RGN: variants seen among roughly 807,000 people sequenced by gnomAD.
RGN encodes the protein regucalcin.
Under a neutral mutation model 20.6 loss-of-function variants are expected in RGN, and 19 were observed. The observed-to-expected ratio is 0.92, with a 90% CI of 0.64 to 1.35. The LOEUF (loss-of-function observed/expected upper bound fraction) is 1.35, where lower values mean the gene tolerates loss of function less well. RGN is among the 40% of genes most tolerant of loss of function. RGN has a pLI of 0.00. For synonymous variants in RGN, 85 were observed against 87.2 expected (o/e 0.97, Z 0.14); for missense variants, 302 against 232.7 (o/e 1.30, Z -1.94).
At chrX:47,087,636 G>T (rs1157627819) in intron 4 of RGN, 1 of 108,580 alleles carries the variant, frequency 9.2e-6, no homozygotes, top group African/African-American at 3.3e-5. Flanking sequence ...CAGTTCTGAG[G>T]CACTCTGTGA....
chrX:47,089,736 A>G (rs368196625), intron 4 of RGN, 40 bp from the exon 5 acceptor site: 2 of 1,062,654 alleles, frequency 1.9e-6, no homozygotes, highest in African/African-American at 3.8e-5. Context: ...ATGGGGTAAG[A>G]TGCTATGGGG....
chrX:47,091,589 C>T (rs1206028801), intron 5 of RGN, 89 bp from the exon 6 acceptor site: 15 of 1,023,235 alleles, frequency 1.5e-5, no homozygotes, highest in Non-Finnish European at 1.7e-5. Context: ...TATTTATAAC[C>T]AGCTTGAGAG....
intron 4 of RGN, among the ~76,000 whole-genome samples, chrX:47,086,812 A>G (rs1414587248): frequency 1.9e-5 from 2 of 106,314 alleles, no homozygotes; most frequent in African/African-American, 6.8e-5. Flanking sequence ...TGCACCCAAG[A>G]TCCAAGATGC....
chrX:47,090,367 G>A (rs781893894), intron 5 of RGN, among the ~76,000 whole-genome samples: 1 of 111,373 alleles, frequency 9.0e-6, no homozygotes, highest in East Asian at 2.8e-4. Context: ...ATACTTAATG[G>A]AGTATTGGCG....
rs1234283907 is a variant in RGN, at chrX:47,081,267, G to A, written c.123G>A (p.Arg41=). The change falls in exon 3 of 8, where the codon CGG becomes CGA. Residue 41 remains arginine, a synonymous_variant. Coordinates refer to ENST00000397180, the MANE Select transcript of RGN (RefSeq NM_152869.4). ...FVDIPAKKVC[R]WDSFTKQVQR... ...ACATTCCTGCAAAAAAGGTTTGCCG[G>A]TGGGATTCATTCACCAAGCAAGTAC... The A allele has an allele frequency of 8.3e-7, 1 of 1,211,111 alleles. No individual in the cohort carries two copies. Among genetic ancestry groups the A allele is most frequent in the Non-Finnish European group, 1.1e-6 (1 of 895,105 alleles).
At chrX:47,081,614 C>T (rs1463087682) in intron 3 of RGN, among the ~76,000 whole-genome samples, 1 of 108,963 alleles carries the variant, frequency 9.2e-6, no homozygotes, top group African/African-American at 3.4e-5. Context: ...ATGGTGTGAT[C>T]ACGGCTCACT....
At chrX:47,083,605 G>A (rs1031624999) in intron 3 of RGN, among the ~76,000 whole-genome samples, 2 of 111,210 alleles carry the variant, frequency 1.8e-5, no homozygotes, top group African/African-American at 6.5e-5. Flanking sequence ...ATAAAATAGG[G>A]CCCCTTAGAA....
chrX:47,091,390 A>C (rs1481565862), intron 5 of RGN, among the ~76,000 whole-genome samples: 1 of 111,961 alleles, frequency 8.9e-6, no homozygotes, highest in Non-Finnish European at 1.9e-5. Flanking sequence ...GCAGGGCCCC[A>C]GTTCAGGTCA....
intron 4 of RGN, among the ~76,000 whole-genome samples, chrX:47,089,132 C>A (rs1257840946): frequency 6.1e-5 from 2 of 32,688 alleles, no homozygotes; most frequent in Admixed American, 2.5e-4. Context: ...GAGGTGGAGG[C>A]TGCATGAGCC....
At chrX:47,081,358 G>A in intron 3 of RGN, 51 bp downstream of exon 3, 2 of 1,123,751 alleles carry the variant, frequency 1.8e-6, no homozygotes, top group Non-Finnish European at 2.4e-6. Context: ...TCCCAGGGGA[G>A]GGGCGGTCAC....
intron 4 of RGN, among the ~76,000 whole-genome samples, chrX:47,087,066 A>G (rs1930632050): frequency 8.9e-6 from 1 of 111,952 alleles, no homozygotes; most frequent in East Asian, 2.8e-4. Flanking sequence ...TTCTTGAACC[A>G]AAGTTTACTA....
At position 47,084,585 on chromosome X, in the gene RGN, G is replaced by A. The variant is rs782674173; in HGVS notation, c.331G>A (p.Gly111Arg). The stretch of plus-strand genomic sequence containing the variant: ...CAATGATGGGAAGGTGGATCCCGCC[G>A]GGAGGTACTTTGCTGGTAAGATTTC... ...RFNDGKVDPA[G>R]RYFAGTMAEE... Residue 111 changes from glycine to arginine, a missense_variant, in exon 4 of 8, where the codon GGG becomes AGG. Coordinates refer to ENST00000397180, the MANE Select transcript of RGN (RefSeq NM_152869.4). 3.2e-5 allele frequency: 38 copies of A among 1,186,749 alleles called. No individual in the cohort carries two copies. Among genetic ancestry groups the A allele is most frequent in the Non-Finnish European group, 4.0e-5 (35 of 882,179 alleles).
chrX:47,087,240 C>T (rs1930638108), intron 4 of RGN, among the ~76,000 whole-genome samples: 1 of 111,593 alleles, frequency 9.0e-6, no homozygotes, highest in Non-Finnish European at 1.9e-5. Flanking sequence ...TGCCGCCTCA[C>T]ATTGTTGGCC....
At chrX:47,090,515 A>T (rs782509022) in intron 5 of RGN, among the ~76,000 whole-genome samples, 1 of 110,675 alleles carries the variant, frequency 9.0e-6, no homozygotes, top group Admixed American at 9.8e-5. Context: ...CACGTTGTCC[A>T]ACTCCATCAA....
rs1602436560 is a variant in RGN, at chrX:47,078,529, C to T, written c.-816C>T. ...GCCAGGAGACTGACTGCTCTGTGCC[C>T]ACCCGGGGACCCGGGCCCGTTCAGC... On this transcript the variant is annotated 5_prime_UTR_variant, in exon 1 of 8. Coordinates refer to ENST00000397180, the MANE Select transcript of RGN (RefSeq NM_152869.4). The T allele has an allele frequency of 1.8e-5, 2 of 113,207 alleles. No homozygotes were observed. The highest frequency in any genetic ancestry group is 5.6e-4 in the East Asian group (2 of 3,549). The allele number at this position is 113,207 out of a possible 1,213,427, so 9.3% of individuals were successfully genotyped here. A position where few individuals can be genotyped will look rare whatever the true frequency, so the allele number is the denominator to read the frequency against.
intron 3 of RGN, 122 bp from the exon 4 acceptor site, chrX:47,084,296 G>C: frequency 3.8e-6 from 2 of 526,332 alleles, no homozygotes; most frequent in Non-Finnish European, 3.0e-6. Context: ...AGAAGGAAGA[G>C]AGCGCTCCCA....
rs1569540763 is a variant in RGN, at chrX:47,090,961, A to AAAGAAAGAAAGAAAGAAAG, written c.563-714_563-696dup. ...GAAAGAAAGAAAGAAAGAAAGAAAGAAAGAAAGAAAGAAAGAAAGAAAGAT... is the reference window on the plus strand; with the variant it reads ...GAAAGAAAGAAAGAAAGAAAGAAAGAAAGAAAGAAAGAAAGAAAGAAGAAAGAAAGAAAGAAAGAAAGAT... On this transcript the variant is annotated intron_variant, in intron 5 of 7. Transcript: ENST00000397180. Among the ~76,000 whole-genome samples, 159 of 63,601 alleles carry AAAGAAAGAAAGAAAGAAAG rather than the reference A, an allele frequency of 2.5e-3. 23 individuals carry two copies. The highest frequency in any genetic ancestry group is 9.5e-3 in the African/African-American group (147 of 15,483). 55.2% of individuals were successfully genotyped at this position (63,601 alleles called of 115,157 possible).
intron 4 of RGN, among the ~76,000 whole-genome samples, chrX:47,087,873 T>C (rs1190699655): frequency 9.8e-6 from 1 of 102,061 alleles, no homozygotes. Flanking sequence ...TAATATAGTA[T>C]TATAATTATA....
rs1931093191 is a variant in RGN, at chrX:47,093,263, T to C, written c.*316T>C. 1 of 228,462 alleles carries C rather than the reference T, an allele frequency of 4.4e-6. No homozygotes were observed. The highest frequency in any genetic ancestry group is 7.7e-6 in the Non-Finnish European group (1 of 129,146). 18.8% of individuals were successfully genotyped at this position (228,462 alleles called of 1,213,427 possible). A position where few individuals can be genotyped will look rare whatever the true frequency, so the allele number is the denominator to read the frequency against. On this transcript the variant is annotated 3_prime_UTR_variant, in exon 8 of 8. Transcript: ENST00000397180. ...CTCTTCTTGATTCTGCATTTCATAC[T>C]TAACTATATTAAAGCTTCAAGGAAC...
Sources: allele counts gnomAD v4.1 joint callset (sites outside exome capture counted in the v4.1 genomes callset), GRCh38; gene constraint gnomAD v4.1.1; transcripts MANE v1.5; gene names NCBI Gene and HGNC (gene_info 2026-07-23, HGNC 2026-07-21).